Variants in EXTL3 observed in about 807,000 individuals in gnomAD.
The protein encoded by EXTL3 is exostosin-like 3.
EXTL3 carries 27 observed loss-of-function variants against 69.3 expected under a neutral mutation model. The observed-to-expected ratio is 0.39, with a 90% CI of 0.29 to 0.54. EXTL3 has a LOEUF of 0.54. Ranked by LOEUF, EXTL3 falls within the 20% of genes least tolerant of loss-of-function variation. The pLI, the probability that EXTL3 is intolerant of heterozygous loss-of-function variation, is 0.69. For synonymous variants in EXTL3, 511 were observed against 499.4 expected (o/e 1.02, Z -0.31); for missense variants, 1,003 against 1,231.8 (o/e 0.81, Z 2.78).
intron 1 of EXTL3, among the ~76,000 whole-genome samples, chr8:28,669,874 G>A (rs1255630886): frequency 6.6e-6 from 1 of 152,112 alleles, no homozygotes; most frequent in Non-Finnish European, 1.5e-5. Flanking sequence ...CATTGAATCT[G>A]AATCACCTGT....
At chr8:28,671,302 G>GTTTTTTT (rs1198284012) in intron 1 of EXTL3, among the ~76,000 whole-genome samples, 2 of 100,940 alleles carry the variant, frequency 2.0e-5, no homozygotes, top group African/African-American at 8.1e-5. Flanking sequence ...TTTATGTTTT[G>GTTTTTTT]TTTTTTGTTT....
At chr8:28,652,039 CTG>C (rs34231513) in intron 1 of EXTL3, among the ~76,000 whole-genome samples, 24 of 144,844 alleles carry the variant, frequency 1.7e-4, no homozygotes, top group Non-Finnish European at 1.9e-4. Context: ...GTGTGTGTGT[CTG>C]TGTGTGTGTG....
chr8:28,653,048 G>A (rs1002430746), intron 1 of EXTL3, among the ~76,000 whole-genome samples: 7 of 152,066 alleles, frequency 4.6e-5, no homozygotes, highest in African/African-American at 9.7e-5. Flanking sequence ...GCATATTTAC[G>A]TTAGAGGTCA....
At chr8:28,711,483 C>T (rs900207425) in intron 1 of EXTL3, among the ~76,000 whole-genome samples, 14 of 152,014 alleles carry the variant, frequency 9.2e-5, no homozygotes, top group Middle Eastern at 6.8e-3. Context: ...TCTATAATAT[C>T]TTACTTAATT....
Position 28,683,326 on chromosome 8 carries a change from G to A in EXTL3, c.-52-30131G>A, listed in dbSNP as rs377185080. Among the ~76,000 whole-genome samples, 6 of 152,230 alleles carry A rather than the reference G, an allele frequency of 3.9e-5. No individual in the cohort carries two copies. The South Asian group carries it at 1.2e-3, about 32-fold the overall frequency. ...GGATAGGGATTGCATGGAATCTGTAGATCACTTTAGTAATATGATCATTTT... is the reference window on the plus strand; with the variant it reads ...GGATAGGGATTGCATGGAATCTGTAAATCACTTTAGTAATATGATCATTTT... On this transcript the variant is annotated intron_variant, in intron 1 of 6. Transcript: ENST00000523149.
chr8:28,620,033 G>A (rs1253815645), upstream of EXTL3, among the ~76,000 whole-genome samples: 1 of 151,672 alleles, frequency 6.6e-6, no homozygotes, highest in Non-Finnish European at 1.5e-5. Context: ...ACCATGCCCG[G>A]CTAATTTTTT....
At chr8:28,719,191 C>T (rs1436091960) in intron 3 of EXTL3, among the ~76,000 whole-genome samples, 1 of 152,180 alleles carries the variant, frequency 6.6e-6, no homozygotes, top group African/African-American at 2.4e-5. Context: ...TAAGCAGCAG[C>T]ATGGTGTAAT....
At chr8:28,629,253 C>T (rs1001895812) in intron 1 of EXTL3, among the ~76,000 whole-genome samples, 2 of 147,712 alleles carry the variant, frequency 1.4e-5, no homozygotes, top group Non-Finnish European at 3.0e-5. Context: ...GCTTGCTTTT[C>T]AAGCAGAAAA....
intron 1 of EXTL3, among the ~76,000 whole-genome samples, chr8:28,682,158 T>G (rs1418845582): frequency 6.6e-6 from 1 of 152,214 alleles, no homozygotes; most frequent in Admixed American, 6.5e-5. Flanking sequence ...AGATGATATT[T>G]CATTGTGGTT....
chr8:28,641,113 C>T (rs937192033), intron 1 of EXTL3, among the ~76,000 whole-genome samples: 1 of 152,176 alleles, frequency 6.6e-6, no homozygotes, highest in Non-Finnish European at 1.5e-5. Flanking sequence ...CGGGTTAATA[C>T]CTAACACATT....
intron 1 of EXTL3, among the ~76,000 whole-genome samples, chr8:28,638,938 A>AT (rs61228702): frequency 0.14 from 18,414 of 136,214 alleles, 3,471 homozygotes; most frequent in African/African-American, 0.43. Flanking sequence ...GCTAGGAATA[A>AT]TTTTTTTTTT....
intron 5 of EXTL3, among the ~76,000 whole-genome samples, 198 bp downstream of exon 5, chr8:28,737,861 G>T (rs1462188109): frequency 3.9e-5 from 6 of 152,190 alleles, no homozygotes; most frequent in Admixed American, 3.3e-4. Flanking sequence ...AGATGAGAGG[G>T]CTGCCTGTAC....
At chr8:28,624,153 TG>T (rs1246233175) in intron 1 of EXTL3, among the ~76,000 whole-genome samples, 1 of 152,248 alleles carries the variant, frequency 6.6e-6, no homozygotes, top group Admixed American at 6.5e-5. Flanking sequence ...AAATTCCTGC[TG>T]GTCCTTAACA....
At chr8:28,656,946 A>G (rs1177257454) in intron 1 of EXTL3, among the ~76,000 whole-genome samples, 3 of 131,872 alleles carry the variant, frequency 2.3e-5, no homozygotes, top group African/African-American at 5.6e-5. Context: ...TTTTTTGTTT[A>G]TTTTGAGACA....
intron 1 of EXTL3, among the ~76,000 whole-genome samples, chr8:28,702,271 C>T (rs1800824446): frequency 6.6e-6 from 1 of 152,238 alleles, no homozygotes; most frequent in Non-Finnish European, 1.5e-5. Context: ...GTCCGAGGGT[C>T]CAGGTGCTGC....
At chr8:28,739,367 C>A (rs572077713) in intron 5 of EXTL3, among the ~76,000 whole-genome samples, 2 of 152,232 alleles carry the variant, frequency 1.3e-5, no homozygotes, top group South Asian at 4.2e-4. Flanking sequence ...CTCACTGTCG[C>A]CCAGGTTGGA....
chr8:28,683,817 A>T (rs904359524), intron 1 of EXTL3, among the ~76,000 whole-genome samples: 1 of 152,108 alleles, frequency 6.6e-6, no homozygotes, highest in Non-Finnish European at 1.5e-5. Flanking sequence ...CTCAAAAAAA[A>T]AAAAATTATT....
rs115654967 is a variant in EXTL3 at position 28,678,871 on chromosome 8, A to G, written c.-52-34586A>G. Among the ~76,000 whole-genome samples the G allele has an allele frequency of 6.0e-3, 908 of 152,284 alleles. 8 individuals carry two copies. The highest frequency in any genetic ancestry group is 0.021 in the African/African-American group (878 of 41,568). On this transcript the variant is annotated intron_variant, in intron 1 of 6. Coordinates refer to the EXTL3 transcript ENST00000523149. ...TTTAAAGTAAAACCTCTGGCCAACT[A>G]AGGATGGGCTGCCCTCCTGCACTGT... is the stretch of plus-strand genomic sequence containing the variant.
At chr8:28,743,317 T>G in intron 6 of EXTL3, 103 bp downstream of exon 6, 1 of 1,306,620 alleles carries the variant, frequency 7.7e-7, no homozygotes, top group Non-Finnish European at 1.1e-6. Flanking sequence ...AGTCCTCATT[T>G]GTACAATAGG....
Sources: gnomAD v4.1 joint callset for allele counts (sites outside exome capture counted in the v4.1 genomes callset) on GRCh38, gnomAD v4.1.1 for gene constraint, MANE v1.5 for transcripts, NCBI Gene and HGNC (gene_info 2026-07-23, HGNC 2026-07-21) for gene names.